The following RAB38 variants were observed in gnomAD, a reference collection of about 807,000 sequenced individuals.
RAB38 encodes the protein ras-related protein Rab-38.
Under a neutral mutation model 18.4 loss-of-function variants are expected in RAB38, and 15 were observed. The ratio of observed to expected loss-of-function variants is 0.82; its 90% confidence interval spans 0.55 to 1.26. The LOEUF (loss-of-function observed/expected upper bound fraction) is 1.26, where lower values mean the gene tolerates loss of function less well. Among genes scored for constraint, RAB38 ranks in the 50% most tolerant of loss-of-function variants. The probability of loss-of-function intolerance (pLI) is 0.00; values close to 1 mark genes in which losing one functional copy is unlikely to be tolerated. For missense variants in RAB38, 294 were observed against 267.4 expected (o/e 1.10, Z -0.69); for synonymous variants, 101 against 104.4 (o/e 0.97, Z 0.20).
chr11:87,896,825 G>A, the RAB38 span, among the ~76,000 whole-genome samples: 1 of 151,572 alleles, frequency 6.6e-6, no homozygotes, highest in Admixed American at 6.6e-5. Context: ...TCATATGTGT[G>A]AAGTGTGTAG....
the RAB38 span, among the ~76,000 whole-genome samples, chr11:87,896,223 C>T: frequency 1.3e-5 from 2 of 151,764 alleles, no homozygotes; most frequent in East Asian, 2.0e-4. Context: ...TGCAAGCCCC[C>T]GACCTTCCAT....
chr11:87,931,903 A>T, the RAB38 span, among the ~76,000 whole-genome samples: 631 of 151,992 alleles, frequency 4.2e-3, 6 homozygotes, highest in African/African-American at 0.014. Flanking sequence ...GCCAGGGAGT[A>T]AAGGAGAAAG....
At chr11:88,043,415 G>C in the RAB38 span, among the ~76,000 whole-genome samples, 3,363 of 152,218 alleles carry the variant, frequency 0.022, 120 homozygotes, top group African/African-American at 0.077. Flanking sequence ...GTGATTGTCA[G>C]ACCTCTGAGC....
chr11:87,853,160 A>T, the RAB38 span, among the ~76,000 whole-genome samples: 1 of 152,212 alleles, frequency 6.6e-6, no homozygotes, highest in Non-Finnish European at 1.5e-5. Context: ...TGAAGTCCCT[A>T]CAAAGCACGT....
At chr11:88,156,729 A>T (rs1356279205) in intron 1 of RAB38, among the ~76,000 whole-genome samples, 2 of 152,072 alleles carry the variant, frequency 1.3e-5, no homozygotes, top group Non-Finnish European at 2.9e-5. Context: ...TTCATATCCC[A>T]CCAAACTAAG....
chr11:88,064,226 G>A, the RAB38 span, among the ~76,000 whole-genome samples: 1 of 152,228 alleles, frequency 6.6e-6, no homozygotes, highest in African/African-American at 2.4e-5. Flanking sequence ...TAATAAAAAT[G>A]TGATGCTCAA....
chr11:88,099,236 T>TA, the RAB38 span, among the ~76,000 whole-genome samples: 1 of 151,932 alleles, frequency 6.6e-6, no homozygotes, highest in African/African-American at 2.4e-5. Flanking sequence ...GTATAATATG[T>TA]AAAAAATGCA....
chr11:88,025,774 C>T, the RAB38 span, among the ~76,000 whole-genome samples: 13 of 152,258 alleles, frequency 8.5e-5, no homozygotes, highest in East Asian at 3.9e-4. Flanking sequence ...GGATATTAGA[C>T]ATTTGTCAGA....
the RAB38 span, among the ~76,000 whole-genome samples, chr11:87,909,120 A>T: frequency 2.0e-5 from 3 of 151,950 alleles, no homozygotes; most frequent in South Asian, 6.2e-4. Context: ...CATTTATAGT[A>T]TCTCAAATTC....
chr11:88,041,482 CAG>C, the RAB38 span, among the ~76,000 whole-genome samples: 79 of 152,314 alleles, frequency 5.2e-4, no homozygotes, highest in Middle Eastern at 0.02. Flanking sequence ...CCAAACGATT[CAG>C]AGTTTTACCC....
the RAB38 span, among the ~76,000 whole-genome samples, chr11:87,920,192 T>A: frequency 2.0e-5 from 3 of 151,816 alleles, no homozygotes; most frequent in African/African-American, 7.3e-5. Flanking sequence ...AATTTTCAGC[T>A]CAGTTTATTC....
At chr11:88,021,105 C>A in the RAB38 span, among the ~76,000 whole-genome samples, 2 of 151,892 alleles carry the variant, frequency 1.3e-5, no homozygotes, top group East Asian at 3.9e-4. Context: ...AAGATCAGAG[C>A]AGAAATAAAT....
At chr11:88,039,746 C>T in the RAB38 span, among the ~76,000 whole-genome samples, 3 of 152,182 alleles carry the variant, frequency 2.0e-5, no homozygotes, top group African/African-American at 7.2e-5. Context: ...TCAACTACTC[C>T]TTAGCCTAGA....
In RAB38 at chr11:88,130,150, T is replaced by A. The variant is rs557975841; in HGVS notation, c.484-16010A>T. Among the ~76,000 whole-genome samples, 32 of 151,932 alleles carry A rather than the reference T, an allele frequency of 2.1e-4. No individual in the cohort carries two copies. The South Asian group carries it at 4.8e-3, about 23-fold the overall frequency. On this transcript the variant is annotated intron_variant, in intron 2 of 2. Coordinates refer to ENST00000243662, the MANE Select transcript of RAB38 (RefSeq NM_022337.3). ...CATAAAATTGAGTGTGGAAAAAAAATAAGGACAGGAAGCTCAGAAACAGAA... is the reference window on the plus strand; with the variant it reads ...CATAAAATTGAGTGTGGAAAAAAAAAAAGGACAGGAAGCTCAGAAACAGAA...
the RAB38 span, among the ~76,000 whole-genome samples, chr11:88,092,635 C>T: frequency 6.6e-6 from 1 of 151,518 alleles, no homozygotes; most frequent in Non-Finnish European, 1.5e-5. Flanking sequence ...TTAAAGGGTG[C>T]AAAATATCTG....
At chr11:88,008,788 C>T in the RAB38 span, among the ~76,000 whole-genome samples, 13 of 152,258 alleles carry the variant, frequency 8.5e-5, no homozygotes, top group Non-Finnish European at 1.9e-4. Flanking sequence ...ATTCTCCAGC[C>T]TCAGCCTCCC....
At chr11:88,023,938 A>C in the RAB38 span, among the ~76,000 whole-genome samples, 1 of 152,182 alleles carries the variant, frequency 6.6e-6, no homozygotes, top group Non-Finnish European at 1.5e-5. Context: ...AAACTATGAA[A>C]CTTCTGTGAG....
the RAB38 span, among the ~76,000 whole-genome samples, chr11:87,839,972 A>G: frequency 6.6e-6 from 1 of 152,214 alleles, no homozygotes; most frequent in Non-Finnish European, 1.5e-5. Flanking sequence ...ACAGAGGATG[A>G]AAACAAAAGA....
chr11:87,977,784 C>T, the RAB38 span, among the ~76,000 whole-genome samples: 78,918 of 79,054 alleles, frequency 1, 39,391 homozygotes, highest in Middle Eastern at 1. Flanking sequence ...TATATTATAT[C>T]ATAGTTATAT....
Sources: allele counts gnomAD v4.1 joint callset (sites outside exome capture counted in the v4.1 genomes callset), GRCh38; gene constraint gnomAD v4.1.1; transcripts MANE v1.5; gene names NCBI Gene and HGNC (gene_info 2026-07-23, HGNC 2026-07-21).